Variants in KCNAB1 observed in about 807,000 individuals in gnomAD.
KCNAB1 encodes the protein voltage-gated potassium channel subunit beta-1.
In KCNAB1, 35 loss-of-function variants were observed where a neutral mutation model predicts 64.6. The observed-to-expected ratio is 0.54, with a 90% confidence interval of 0.41 to 0.72. The LOEUF (loss-of-function observed/expected upper bound fraction) is 0.72, where lower values mean the gene tolerates loss of function less well. Ranked by LOEUF, KCNAB1 falls within the 30% of genes least tolerant of loss-of-function variation. The pLI is 0.00. For missense variants in KCNAB1, 401 were observed against 512.9 expected (o/e 0.78, Z 2.11); for synonymous variants, 177 against 183.8 (o/e 0.96, Z 0.30).
At chr3:156,224,226 G>A (rs535964956) in intron 1 of KCNAB1, among the ~76,000 whole-genome samples, 1 of 152,334 alleles carries the variant, frequency 6.6e-6, no homozygotes, top group South Asian at 2.1e-4. Context: ...CTGAGTGCGG[G>A]CCCACTGAGC....
chr3:156,253,813 C>T (rs1335401783), intron 1 of KCNAB1, among the ~76,000 whole-genome samples: 1 of 152,148 alleles, frequency 6.6e-6, no homozygotes, highest in Non-Finnish European at 1.5e-5. Context: ...GGAAGAGGAC[C>T]AGGCGTCTGT....
intron 1 of KCNAB1, among the ~76,000 whole-genome samples, chr3:156,247,361 A>C (rs1179004211): frequency 6.6e-6 from 1 of 152,230 alleles, no homozygotes. Context: ...ATTCGTGTTC[A>C]AAGCTGATCA....
chr3:156,375,522 T>C (rs2108135644), intron 1 of KCNAB1, among the ~76,000 whole-genome samples: 1 of 135,582 alleles, frequency 7.4e-6, no homozygotes, highest in South Asian at 2.2e-4. Flanking sequence ...ACAACGTTAA[T>C]ACATGTTATA....
chr3:156,463,873 T>C, intron 6 of KCNAB1, 127 bp downstream of exon 6: 1 of 650,514 alleles, frequency 1.5e-6, no homozygotes, highest in East Asian at 3.1e-5. Context: ...GTTTTTTTTT[T>C]GTTTTTTTCT....
chr3:156,316,318 C>T (rs1032165271), intron 1 of KCNAB1, among the ~76,000 whole-genome samples: 22 of 152,304 alleles, frequency 1.4e-4, no homozygotes, highest in Middle Eastern at 3.4e-3. Context: ...TTTCTTGACA[C>T]CTCTGCAGAA....
At chr3:156,307,406 G>T (rs550424615) in intron 1 of KCNAB1, among the ~76,000 whole-genome samples, 4 of 151,138 alleles carry the variant, frequency 2.6e-5, no homozygotes, top group East Asian at 3.9e-4. Flanking sequence ...CACAAGAAAA[G>T]AAATTATTTA....
chr3:156,504,813 G>A (rs761752477), intron 8 of KCNAB1, among the ~76,000 whole-genome samples: 11 of 129,438 alleles, frequency 8.5e-5, no homozygotes, highest in Non-Finnish European at 1.3e-4. Context: ...TTAATTCCTT[G>A]TTAGATGAAT....
intron 1 of KCNAB1, among the ~76,000 whole-genome samples, chr3:156,372,893 G>C (rs1726411276): frequency 6.6e-6 from 1 of 152,158 alleles, no homozygotes; most frequent in Non-Finnish European, 1.5e-5. Flanking sequence ...TGAACACTTA[G>C]GGCTACAGCC....
At chr3:156,183,176 G>A (rs547436935) in intron 1 of KCNAB1, among the ~76,000 whole-genome samples, 6 of 152,152 alleles carry the variant, frequency 3.9e-5, no homozygotes, top group South Asian at 4.2e-4. Flanking sequence ...GAGCGCCCAC[G>A]ACAAGGGGTG....
intron 1 of KCNAB1, among the ~76,000 whole-genome samples, chr3:156,164,086 G>A (rs1716234512): frequency 6.6e-6 from 1 of 152,168 alleles, no homozygotes; most frequent in Non-Finnish European, 1.5e-5. Flanking sequence ...AGGGAGTGGT[G>A]CCTTTCAGAA....
chr3:156,268,959 C>A (rs946042569), intron 1 of KCNAB1, among the ~76,000 whole-genome samples: 1 of 152,154 alleles, frequency 6.6e-6, no homozygotes, highest in African/African-American at 2.4e-5. Context: ...AGAGTTTCCT[C>A]AATGTTTTCT....
chr3:156,419,350 A>C (rs1482108355), intron 1 of KCNAB1, among the ~76,000 whole-genome samples: 1 of 152,024 alleles, frequency 6.6e-6, no homozygotes, highest in African/African-American at 2.4e-5. Context: ...AAATAAAAAA[A>C]ATTAGCCAGG....
intron 1 of KCNAB1, among the ~76,000 whole-genome samples, chr3:156,242,295 A>G (rs1717204537): frequency 6.6e-6 from 1 of 151,916 alleles, no homozygotes; most frequent in South Asian, 2.1e-4. Flanking sequence ...TTAATTTTTT[A>G]ATTTTTTATT....
intron 1 of KCNAB1, among the ~76,000 whole-genome samples, chr3:156,286,736 G>A (rs141169819): frequency 0.019 from 2,964 of 152,012 alleles, 57 homozygotes; most frequent in Non-Finnish European, 0.02. Context: ...TAAAAATATC[G>A]GGGTTTCTTT....
chr3:156,379,507 A>T (rs961731705), intron 1 of KCNAB1, among the ~76,000 whole-genome samples: 1 of 152,118 alleles, frequency 6.6e-6, no homozygotes, highest in African/African-American at 2.4e-5. Flanking sequence ...TGAGGGAGTG[A>T]GCCATGTGAT....
intron 1 of KCNAB1, among the ~76,000 whole-genome samples, chr3:156,233,048 C>G (rs1375089017): frequency 6.6e-6 from 1 of 152,098 alleles, no homozygotes; most frequent in East Asian, 1.9e-4. Context: ...CAAGGTCCAA[C>G]TCTTAGATTC....
At chr3:156,193,475 G>A (rs1297742943) in intron 1 of KCNAB1, among the ~76,000 whole-genome samples, 1 of 152,128 alleles carries the variant, frequency 6.6e-6, no homozygotes, top group Admixed American at 6.6e-5. Context: ...GTATTAGTCT[G>A]TTTTCACACT....
rs535963404 is a variant in KCNAB1, at chr3:156,362,702, TTTATTA to T, written c.276-58908_276-58903del. The stretch of plus-strand genomic sequence containing the variant: ...TGTTTTTATTGCTATTATAGTTATC[TTTATTA>T]TTATTGAGTGAAAAGAAGGGAAAGT... On this transcript the variant is annotated intron_variant, in intron 1 of 13. Coordinates refer to ENST00000490337, the MANE Select transcript of KCNAB1 (RefSeq NM_172160.3). Among the ~76,000 whole-genome samples the T allele has an allele frequency of 3.3e-3, 500 of 152,344 alleles. 3 individuals carry two copies. Among genetic ancestry groups the T allele is most frequent in the African/African-American group, 0.011 (478 of 41,578 alleles).
intron 1 of KCNAB1, among the ~76,000 whole-genome samples, chr3:156,314,965 G>A (rs1406252617): frequency 6.6e-6 from 1 of 152,086 alleles, no homozygotes; most frequent in African/African-American, 2.4e-5. Flanking sequence ...AGTGAGCCGA[G>A]ATTGCGCAAC....
Sources: allele counts gnomAD v4.1 joint callset (sites outside exome capture counted in the v4.1 genomes callset), GRCh38; gene constraint gnomAD v4.1.1; transcripts MANE v1.5; gene names NCBI Gene and HGNC (gene_info 2026-07-23, HGNC 2026-07-21).